Variants in SPICE1 observed in about 807,000 individuals in gnomAD.
SPICE1 encodes the protein spindle and centriole associated protein 1, also known as spindle and centriole-associated protein 1.
Under a neutral mutation model 102.7 loss-of-function variants are expected in SPICE1, and 75 were observed. The ratio of observed to expected loss-of-function variants is 0.73; its 90% CI spans 0.61 to 0.88. The LOEUF (loss-of-function observed/expected upper bound fraction) is 0.88, where lower values mean the gene tolerates loss of function less well. Ranked by LOEUF, SPICE1 falls within the 40% of genes least tolerant of loss-of-function variation. The pLI, the probability that SPICE1 is intolerant of heterozygous loss-of-function variation, is 0.00. For synonymous variants in SPICE1, 308 were observed against 350.3 expected, an observed-to-expected ratio of 0.88 and a Z score of 1.35; for missense variants, 979 against 1,020.1, an observed-to-expected ratio of 0.96 and a Z score of 0.55.
At chr3:113,463,293 C>T (rs1935977386) in intron 11 of SPICE1, among the ~76,000 whole-genome samples, 1 of 152,184 alleles carries the variant, frequency 6.6e-6, no homozygotes, top group Admixed American at 6.5e-5. Flanking sequence ...AATGTAAGCT[C>T]CATGAGGGCA....
At chr3:113,485,066 G>A (rs1936611743) in intron 7 of SPICE1, among the ~76,000 whole-genome samples, 2 of 151,972 alleles carry the variant, frequency 1.3e-5, no homozygotes, top group African/African-American at 2.4e-5. Flanking sequence ...TTCGCAACCC[G>A]CAGGCCAAGA....
chr3:113,499,632 T>A, intron 3 of SPICE1, 50 bp from the exon 4 acceptor site: 1 of 1,499,740 alleles, frequency 6.7e-7, no homozygotes, highest in Non-Finnish European at 8.9e-7. Context: ...CACAAAGAAG[T>A]TGCCTATTCA....
At chr3:113,505,072 CCACA>C (rs1937081208) in intron 2 of SPICE1, among the ~76,000 whole-genome samples, 1 of 152,190 alleles carries the variant, frequency 6.6e-6, no homozygotes, top group Admixed American at 6.5e-5. Flanking sequence ...ATACCAAAAT[CCACA>C]CATACTCAAA....
intron 1 of SPICE1, among the ~76,000 whole-genome samples, chr3:113,509,721 C>T (rs1937181679): frequency 6.6e-6 from 1 of 152,186 alleles, no homozygotes; most frequent in South Asian, 2.1e-4. Flanking sequence ...GGCTGAGTCC[C>T]CACCCAAATC....
At chr3:113,500,832 G>C (rs1260667782) in intron 3 of SPICE1, among the ~76,000 whole-genome samples, 1 of 152,150 alleles carries the variant, frequency 6.6e-6, no homozygotes, top group Non-Finnish European at 1.5e-5. Context: ...GGTACACAAA[G>C]ATGTATAAGA....
At chr3:113,498,719 CT>C (rs1936950416) in intron 4 of SPICE1, among the ~76,000 whole-genome samples, 1 of 152,206 alleles carries the variant, frequency 6.6e-6, no homozygotes, top group Non-Finnish European at 1.5e-5. Flanking sequence ...GGTCAGACAG[CT>C]AAGTGCTGTA....
intron 2 of SPICE1, among the ~76,000 whole-genome samples, chr3:113,504,579 A>AAAAAAAAAAAAAG: frequency 6.6e-6 from 1 of 150,428 alleles, no homozygotes; most frequent in African/African-American, 2.4e-5. Flanking sequence ...CTCAAAAAAA[A>AAAAAAAAAAAAAG]AAAAAAAAAA....
At chr3:113,455,960 G>T (rs1463639) in intron 13 of SPICE1, among the ~76,000 whole-genome samples, 6,013 of 152,226 alleles carry the variant, frequency 0.04, 146 homozygotes, top group East Asian at 0.1. Context: ...GAACATTAAA[G>T]ATAAAGAAAT....
chr3:113,494,231 A>G, intron 4 of SPICE1, 89 bp from the exon 5 acceptor site: 3 of 840,756 alleles, frequency 3.6e-6, no homozygotes, highest in Non-Finnish European at 5.5e-6. Flanking sequence ...GGCCTGGAGC[A>G]TGAAAATAAC....
rs539211404 is a variant in SPICE1, at chr3:113,459,461, A to C, written c.1435+1156T>G. 425 of 977,798 alleles carry C rather than the reference A, an allele frequency of 4.3e-4. 1 individual carries two copies. Among genetic ancestry groups the C allele is most frequent in the South Asian group, 3.7e-3 (79 of 21,136 alleles). 60.6% of individuals were successfully genotyped at this position (977,798 alleles called of 1,614,324 possible). ...CAAAACAAAACAAAACAAAACAAAA[A>C]AAAACAATAATTCTACAATATATTT... On this transcript the variant is annotated intron_variant, in intron 12 of 17. Coordinates refer to ENST00000295872, the MANE Select transcript of SPICE1 (RefSeq NM_144718.4).
chr3:113,508,191 G>A (rs370689147), intron 1 of SPICE1, among the ~76,000 whole-genome samples: 1 of 152,218 alleles, frequency 6.6e-6, no homozygotes, highest in South Asian at 2.1e-4. Flanking sequence ...GAAAACATAA[G>A]AGTAAATCTT....
At chr3:113,493,138 C>A in intron 6 of SPICE1, 68 bp downstream of exon 6, 1 of 1,133,124 alleles carries the variant, frequency 8.8e-7, no homozygotes, top group Non-Finnish European at 1.2e-6. Context: ...AAATATTTAC[C>A]ACAAGGCCTA....
At chr3:113,485,059 G>A (rs146609509) in intron 7 of SPICE1, among the ~76,000 whole-genome samples, 14 of 152,158 alleles carry the variant, frequency 9.2e-5, no homozygotes, top group African/African-American at 3.4e-4. Flanking sequence ...CACAGTCTTC[G>A]CAACCCGCAG....
At position 113,506,620 on chromosome 3, in the gene SPICE1, C is replaced by A; in HGVS notation, c.1-15G>T. 1.3e-6 allele frequency: 2 copies of A among 1,598,904 alleles called. No individual in the cohort carries two copies. Among genetic ancestry groups the A allele is most frequent in the South Asian group, 1.1e-5 (1 of 90,170 alleles). ...ACAAATGACATCTAGGAATAATAAT[C>A]ACATCAAATTTTTAAAATACAAGAA... On this transcript the variant is annotated splice_polypyrimidine_tract_variant and intron_variant, in intron 1 of 17. Coordinates refer to ENST00000295872, the MANE Select transcript of SPICE1 (RefSeq NM_144718.4).
intron 16 of SPICE1, among the ~76,000 whole-genome samples, 189 bp from the exon 17 acceptor site, chr3:113,446,865 G>C (rs1208853351): frequency 6.6e-6 from 1 of 152,140 alleles, no homozygotes; most frequent in Non-Finnish European, 1.5e-5. Flanking sequence ...TTCATTAATA[G>C]TGATATGGTT....
chr3:113,502,644 C>CTA (rs898039536), intron 3 of SPICE1, among the ~76,000 whole-genome samples: 10 of 116,128 alleles, frequency 8.6e-5, no homozygotes, highest in African/African-American at 3.4e-4. Flanking sequence ...GGTATGTGAA[C>CTA]TATATCTCAA....
At position 113,474,917 on chromosome 3, in the gene SPICE1, A is replaced by G. The variant is rs192228024; in HGVS notation, c.612-5679T>C. Among the ~76,000 whole-genome samples the G allele has an allele frequency of 8.9e-4, 136 of 152,350 alleles. 1 individual carries two copies. In the East Asian group the frequency reaches 0.019, roughly 21 times the overall value. On this transcript the variant is annotated intron_variant, in intron 7 of 17. Transcript: ENST00000295872. ...CACATTCAAAAGCTAGCAGAAGGCA[A>G]GAAATAACTAAAATCAGAGCAGAAC...
intron 7 of SPICE1, among the ~76,000 whole-genome samples, chr3:113,476,892 A>G (rs1004397357): frequency 5.3e-5 from 8 of 152,298 alleles, no homozygotes; most frequent in South Asian, 4.1e-4. Context: ...CTTCATGTCT[A>G]AAACACCAAA....
At chr3:113,490,384 G>A (rs1415235819) in intron 6 of SPICE1, among the ~76,000 whole-genome samples, 1 of 152,100 alleles carries the variant, frequency 6.6e-6, no homozygotes, top group Non-Finnish European at 1.5e-5. Context: ...GCTCATTTCT[G>A]TAATCCTAGC....
Sources: gnomAD v4.1 joint callset for allele counts (sites outside exome capture counted in the v4.1 genomes callset) on GRCh38, gnomAD v4.1.1 for gene constraint, MANE v1.5 for transcripts, NCBI Gene and HGNC (gene_info 2026-07-23, HGNC 2026-07-21) for gene names.